IQSEC1: variants seen among roughly 807,000 people sequenced by gnomAD.
IQSEC1 encodes the protein IQ motif and SEC7 domain-containing protein 1.
In IQSEC1, 31 loss-of-function variants were observed where a neutral mutation model predicts 91.0. The observed-to-expected ratio is 0.34, with a 90% CI of 0.26 to 0.46. IQSEC1 has a LOEUF of 0.46. Among genes scored for constraint, IQSEC1 ranks in the 20% least tolerant of loss-of-function variants. IQSEC1 has a pLI of 1.00. For missense variants in IQSEC1, 1,388 were observed against 1,575.6 expected (o/e 0.88, Z 2.02); for synonymous variants, 699 against 662.6 (o/e 1.05, Z -0.84).
At chr3:13,199,100 G>C (rs1424728806) in intron 1 of IQSEC1, among the ~76,000 whole-genome samples, 1 of 152,200 alleles carries the variant, frequency 6.6e-6, no homozygotes, top group Non-Finnish European at 1.5e-5. Context: ...GCGGGGGTGC[G>C]AGGGGACGGG....
chr3:13,059,208 G>A (rs943945790), intron 1 of IQSEC1, among the ~76,000 whole-genome samples: 2 of 152,070 alleles, frequency 1.3e-5, no homozygotes, highest in Non-Finnish European at 2.9e-5. Context: ...ACACCAGCAG[G>A]CCCCACCCCA....
At chr3:13,074,655 A>G (rs1255139752), upstream of IQSEC1, among the ~76,000 whole-genome samples, 1 of 152,234 alleles carries the variant, frequency 6.6e-6, no homozygotes, top group Non-Finnish European at 1.5e-5. Flanking sequence ...GTCTGGCTCC[A>G]GAGTCTTGGT....
At chr3:13,171,080 C>T (rs1693598728) in intron 1 of IQSEC1, among the ~76,000 whole-genome samples, 1 of 151,326 alleles carries the variant, frequency 6.6e-6, no homozygotes, top group Non-Finnish European at 1.5e-5. Context: ...AGCCTGGCAA[C>T]ACAGCAAGAC....
chr3:12,951,408 G>A (rs1362260266), intron 1 of IQSEC1, among the ~76,000 whole-genome samples: 1 of 151,440 alleles, frequency 6.6e-6, no homozygotes, highest in Admixed American at 6.6e-5. Context: ...GAAACTCGGA[G>A]TGTACTCCAG....
chr3:13,213,715 C>T (rs1279044888), intron 1 of IQSEC1, among the ~76,000 whole-genome samples: 6 of 152,136 alleles, frequency 3.9e-5, no homozygotes, highest in Non-Finnish European at 7.4e-5. Context: ...ACCACATGAC[C>T]GGGCCAGTGT....
chr3:13,073,148 C>G lies in IQSEC1; in HGVS notation c.-134G>C, dbSNP rs2125117666. 232 of 563,746 alleles carry G rather than the reference C, an allele frequency of 4.1e-4. No individual in the cohort carries two copies. The highest frequency in any genetic ancestry group is 1.9e-3 in the East Asian group (30 of 15,398). The allele number at this position is 563,746 out of a possible 1,614,324, so 34.9% of individuals were successfully genotyped here. On this transcript the variant is annotated 5_prime_UTR_variant, in exon 1 of 14. Coordinates refer to ENST00000613206, the MANE Select transcript of IQSEC1 (RefSeq NM_001134382.3). ...TAAATCGCGGGGCGAGTCACATTCC[C>G]GGGGGTGGCGGGCTCCTCCAGGGAG...
In IQSEC1 at chr3:13,214,871, G is replaced by A. The variant is rs1033281578; in HGVS notation, c.273-50738C>T. The stretch of plus-strand genomic sequence containing the variant: ...GTGTTTGCAGCTGAGCGCCAGGACC[G>A]ACGTCGGGCTCTGCTGAGCACTAGC... On this transcript the variant is annotated intron_variant, in intron 1 of 15. Coordinates refer to the IQSEC1 transcript ENST00000648114. The surrounding 1 kb of genome is among the most constrained non-coding windows in gnomAD (Gnocchi z 4.5). Among the ~76,000 whole-genome samples the A allele has an allele frequency of 2.0e-5, 3 of 152,244 alleles. No homozygotes were observed. The highest frequency in any genetic ancestry group is 2.4e-5 in the African/African-American group (1 of 41,456).
chr3:12,935,927 C>T lies in IQSEC1; in HGVS notation c.1089G>A (p.Leu363=). The T allele has an allele frequency of 6.3e-7, 1 of 1,599,706 alleles. No homozygotes were observed. The highest frequency in any genetic ancestry group is 8.5e-7 in the Non-Finnish European group (1 of 1,179,376). The change falls in exon 3 of 14, where the codon CTG becomes CTA. Residue 363 remains leucine, a synonymous_variant. Coordinates refer to ENST00000613206, the MANE Select transcript of IQSEC1 (RefSeq NM_001134382.3). The surrounding 1 kb of genome is among the most constrained non-coding windows in gnomAD (Gnocchi z 8.0). ...TGGGTGGCTCGATGGTGAGCAGCGG[C>T]AGATGCTCCACCCGCAGCCGCTGCT... The part of the protein sequence containing the change: ...RQEQRLRVEH[L]PLLTIEPPSD...
chr3:12,935,600 G>A lies in IQSEC1; in HGVS notation c.1416C>T (p.Ser472=), dbSNP rs1698096482. 6 of 1,614,164 alleles carry A rather than the reference G, an allele frequency of 3.7e-6. No individual in the cohort carries two copies. In the East Asian group the frequency reaches 1.3e-4, roughly 36 times the overall value. ...GGCTGTCACGGGACGATGACTCGGA[G>A]CTGCAGTTGATGGTATCGTTGGAGT... The part of the protein sequence containing the change: ...TSNSNDTINC[S]SESSSRDSLR... Residue 472 remains serine, a synonymous_variant, in exon 3 of 14, where the codon AGC becomes AGT. Coordinates refer to ENST00000613206, the MANE Select transcript of IQSEC1 (RefSeq NM_001134382.3). This position sits in a 1 kb window ranked among gnomAD's most constrained non-coding sequence, Gnocchi z 8.0.
At chr3:13,110,674 T>C (rs932590023) in intron 2 of IQSEC1, among the ~76,000 whole-genome samples, 1 of 152,194 alleles carries the variant, frequency 6.6e-6, no homozygotes, top group Non-Finnish European at 1.5e-5. Context: ...CATCTCACTC[T>C]GGCCTTCTTG....
chr3:13,000,394 C>T (rs565035594), intron 1 of IQSEC1, among the ~76,000 whole-genome samples: 1 of 152,284 alleles, frequency 6.6e-6, no homozygotes, highest in Admixed American at 6.5e-5. Context: ...CTCTAGACGT[C>T]ATCTTCTTGG....
chr3:13,040,142 C>T (rs940222480), intron 1 of IQSEC1, among the ~76,000 whole-genome samples: 2 of 152,218 alleles, frequency 1.3e-5, no homozygotes, highest in African/African-American at 2.4e-5. Context: ...ATCATTTATG[C>T]ACCATGTGAG....
chr3:13,166,211 T>C (rs1055982374), intron 1 of IQSEC1, among the ~76,000 whole-genome samples: 4 of 152,238 alleles, frequency 2.6e-5, no homozygotes, highest in Admixed American at 2.0e-4. Context: ...TGGTAATTGA[T>C]AGCTAACACA....
At chr3:13,110,237 G>A (rs1228528715) in intron 2 of IQSEC1, among the ~76,000 whole-genome samples, 1 of 152,054 alleles carries the variant, frequency 6.6e-6, no homozygotes, top group Middle Eastern at 3.2e-3. Flanking sequence ...GCATATAGGA[G>A]GTGTTATAGC....
chr3:13,129,841 G>T (rs1706581405), intron 2 of IQSEC1, among the ~76,000 whole-genome samples: 1 of 151,476 alleles, frequency 6.6e-6, no homozygotes, highest in African/African-American at 2.4e-5. Context: ...TGTGTTTTTA[G>T]TAGAGACAGG....
intron 1 of IQSEC1, among the ~76,000 whole-genome samples, chr3:13,046,037 A>T (rs1704480849): frequency 6.6e-6 from 1 of 152,202 alleles, no homozygotes; most frequent in Non-Finnish European, 1.5e-5. Flanking sequence ...GAGATTATGC[A>T]ATGGGCATAT....
chr3:13,223,613 C>A (rs1217405385), intron 1 of IQSEC1, among the ~76,000 whole-genome samples: 2 of 152,224 alleles, frequency 1.3e-5, no homozygotes, highest in Admixed American at 1.3e-4. Context: ...CTCGCGCGCC[C>A]ACCTTCCCCA....
intron 12 of IQSEC1, among the ~76,000 whole-genome samples, chr3:12,905,776 C>G (rs1377630376): frequency 2.0e-5 from 3 of 152,238 alleles, no homozygotes; most frequent in Non-Finnish European, 4.4e-5. Context: ...GCAGGCAGGT[C>G]CTCTCCGTAA....
intron 2 of IQSEC1, among the ~76,000 whole-genome samples, chr3:13,095,032 C>T (rs775880511): frequency 1.3e-5 from 2 of 151,944 alleles, no homozygotes; most frequent in African/African-American, 2.4e-5. Context: ...CCTGGGCAAA[C>T]GCTATTGCAC....
Sources: gnomAD v4.1 joint callset for allele counts (sites outside exome capture counted in the v4.1 genomes callset) on GRCh38, gnomAD v4.1.1 for gene constraint, Gnocchi (gnomAD v3.1) non-coding constraint, MANE v1.5 for transcripts, NCBI Gene and HGNC (gene_info 2026-07-23, HGNC 2026-07-21) for gene names.